PCDH15: variants seen among roughly 807,000 people sequenced by gnomAD.
PCDH15 encodes the protein protocadherin-15.
A neutral mutation model predicts 178.5 loss-of-function variants in PCDH15; 129 were observed. The ratio of observed to expected loss-of-function variants is 0.72; its 90% CI spans 0.63 to 0.84. PCDH15 has a LOEUF of 0.84. Among genes scored for constraint, PCDH15 ranks in the 40% least tolerant of loss-of-function variants. The pLI is 0.00. For missense variants in PCDH15, 2,230 were observed against 2,099.9 expected, an observed-to-expected ratio of 1.06 and a Z score of -1.21; for synonymous variants, 800 against 732.0, an observed-to-expected ratio of 1.09 and a Z score of -1.50.
chr10:55,277,646 A>G (rs1842627014), intron 1 of PCDH15, among the ~76,000 whole-genome samples: 1 of 152,052 alleles, frequency 6.6e-6, no homozygotes, highest in African/African-American at 2.4e-5. Context: ...TGTTGTTATT[A>G]TATTCCCCAA....
rs184277518 is a variant in PCDH15, at chr10:54,273,584, A to C, written c.877-36653T>G. Among the ~76,000 whole-genome samples the C allele has an allele frequency of 1.3e-3, 194 of 152,284 alleles. 1 individual carries two copies. The highest frequency in any genetic ancestry group is 4.3e-3 in the South Asian group (21 of 4,830). Reference sequence around the variant, plus strand: ...CAACTTAATTTTGAATATATAAAATAGAGACACTTAAAAAAACTGAACAAA... The same window carrying C: ...CAACTTAATTTTGAATATATAAAATCGAGACACTTAAAAAAACTGAACAAA... On this transcript the variant is annotated intron_variant, in intron 8 of 37. Coordinates refer to ENST00000644397, the MANE Select transcript of PCDH15 (RefSeq NM_001384140.1).
intron 2 of PCDH15, among the ~76,000 whole-genome samples, chr10:55,016,094 T>A (rs1485858056): frequency 1.6e-5 from 1 of 61,150 alleles, no homozygotes; most frequent in African/African-American, 1.2e-4. Context: ...TGACCTTTTT[T>A]TTTTAAAAAA....
In PCDH15 at chr10:55,472,271, TA is replaced by T. The variant is rs538937386; in HGVS notation, c.-156+155353del. On this transcript the variant is annotated intron_variant, in intron 2 of 5. Transcript: ENST00000613346. The stretch of plus-strand genomic sequence containing the variant: ...TTGCTTATATCCCATTTAAATTAAA[TA>T]TTTTTTTCAGATTTCTCTACAGTGC... Among the ~76,000 whole-genome samples, 297 of 152,270 alleles carry T rather than the reference TA, an allele frequency of 2.0e-3. 2 individuals carry two copies. The highest frequency in any genetic ancestry group is 7.0e-3 in the African/African-American group (290 of 41,568).
In PCDH15 at chr10:54,707,779, A is replaced by G. The variant is rs111990876; in HGVS notation, c.-28-43489T>C. On this transcript the variant is annotated intron_variant, in intron 1 of 37. Transcript: ENST00000644397. The stretch of plus-strand genomic sequence containing the variant: ...ACATAATGCTTAGGGTTGAGTATAC[A>G]AAGATAAAAAAAACCACATGCTGGC... Among the ~76,000 whole-genome samples the G allele has an allele frequency of 2.1e-3, 318 of 152,310 alleles. 1 individual carries two copies. The highest frequency in any genetic ancestry group is 7.4e-3 in the African/African-American group (306 of 41,564).
intron 2 of PCDH15, among the ~76,000 whole-genome samples, chr10:54,996,474 T>C (rs565164057): frequency 6.6e-6 from 1 of 152,234 alleles, no homozygotes; most frequent in South Asian, 2.1e-4. Flanking sequence ...GATTGTGTTT[T>C]GGTTATTGTT....
At chr10:53,815,344 A>G (rs1308959740) in intron 35 of PCDH15, among the ~76,000 whole-genome samples, 1 of 152,224 alleles carries the variant, frequency 6.6e-6, no homozygotes, top group Non-Finnish European at 1.5e-5. Flanking sequence ...TTACACATTT[A>G]TTAGATATTA....
At chr10:54,475,223 C>T (rs919832202) in intron 3 of PCDH15, among the ~76,000 whole-genome samples, 13 of 151,870 alleles carry the variant, frequency 8.6e-5, no homozygotes, top group South Asian at 4.2e-4. Flanking sequence ...ATTTCAGTAA[C>T]GACTAATGCC....
At position 55,368,240 on chromosome 10, in the gene PCDH15, C is replaced by T. The variant is rs1003167709; in HGVS notation, c.-155-201589G>A. Reference sequence around the variant, plus strand: ...CATGTAATCAACAATGGCAAGGAACCAATTTTCAGTGTACACATAACATCA... The same window carrying T: ...CATGTAATCAACAATGGCAAGGAACTAATTTTCAGTGTACACATAACATCA... On this transcript the variant is annotated intron_variant, in intron 2 of 5. Coordinates refer to the PCDH15 transcript ENST00000613346. Among the ~76,000 whole-genome samples the T allele has an allele frequency of 3.9e-5, 6 of 152,008 alleles. No homozygotes were observed. The East Asian group carries it at 1.2e-3, about 29-fold the overall frequency.
rs1251760500 is a variant in PCDH15 at position 54,495,658 on chromosome 10, T to C, written c.157+32154A>G. 2.0e-5 allele frequency among the ~76,000 whole-genome samples: 3 copies of C among 152,160 alleles called. No individual in the cohort carries two copies. The East Asian group carries it at 5.8e-4, about 29-fold the overall frequency. ...GCTTTTCTTTTTTATTCATCTCATA[T>C]TTAAACTTTGTAATCACCTTTGGAT... On this transcript the variant is annotated intron_variant, in intron 3 of 37. Transcript: ENST00000644397.
chr10:54,347,972 C>T (rs1202769257), intron 5 of PCDH15, among the ~76,000 whole-genome samples: 1 of 151,952 alleles, frequency 6.6e-6, no homozygotes, highest in Non-Finnish European at 1.5e-5. Flanking sequence ...CCTCAGCCTC[C>T]CAAGTAGCTG....
chr10:54,513,942 G>A (rs922737750), intron 3 of PCDH15, among the ~76,000 whole-genome samples: 2 of 152,192 alleles, frequency 1.3e-5, no homozygotes, highest in African/African-American at 2.4e-5. Flanking sequence ...GTTGTTTGCA[G>A]AAAAATATTA....
intron 17 of PCDH15, among the ~76,000 whole-genome samples, chr10:54,070,653 G>A (rs2094223520): frequency 6.6e-6 from 1 of 151,930 alleles, no homozygotes; most frequent in Admixed American, 6.6e-5. Flanking sequence ...TGCAGTATGT[G>A]ATCATAGCTC....
chr10:54,298,248 A>C (rs994877518), intron 8 of PCDH15, among the ~76,000 whole-genome samples: 3 of 152,170 alleles, frequency 2.0e-5, no homozygotes, highest in Admixed American at 2.0e-4. Context: ...AGATAAGTTT[A>C]TTACCCGATC....
chr10:54,013,485 T>G (rs1425289298), intron 20 of PCDH15, among the ~76,000 whole-genome samples: 3 of 152,152 alleles, frequency 2.0e-5, no homozygotes, highest in Non-Finnish European at 2.9e-5. Flanking sequence ...GCACATACTT[T>G]AAAATTGACC....
At chr10:54,217,641 A>T (rs2052248113) in intron 9 of PCDH15, among the ~76,000 whole-genome samples, 1 of 152,220 alleles carries the variant, frequency 6.6e-6, no homozygotes, top group South Asian at 2.1e-4. Flanking sequence ...TATCTTAAGA[A>T]ACAAAATGCA....
chr10:55,599,970 T>C, intron 2 of PCDH15: 1 of 1,492,214 alleles, frequency 6.7e-7, no homozygotes, highest in Non-Finnish European at 8.9e-7. Context: ...AAGAGGCGGG[T>C]ATAAATAAAT....
At chr10:55,388,856 T>A (rs1167961466) in intron 2 of PCDH15, among the ~76,000 whole-genome samples, 1 of 152,034 alleles carries the variant, frequency 6.6e-6, no homozygotes, top group African/African-American at 2.4e-5. Context: ...AACTTTAATG[T>A]CTCCCCCATC....
chr10:55,614,152 T>C (rs543586418), intron 2 of PCDH15, among the ~76,000 whole-genome samples: 7 of 152,130 alleles, frequency 4.6e-5, no homozygotes, highest in Admixed American at 4.6e-4. Context: ...TCTTTTCCTC[T>C]TTTTTTATGA....
At chr10:54,721,724 A>G (rs748565010) in intron 1 of PCDH15, among the ~76,000 whole-genome samples, 2 of 151,864 alleles carry the variant, frequency 1.3e-5, no homozygotes, top group Non-Finnish European at 2.9e-5. Flanking sequence ...TGAATCATCA[A>G]CAAACATCTA....
Sources: allele counts gnomAD v4.1 joint callset (sites outside exome capture counted in the v4.1 genomes callset), GRCh38; gene constraint gnomAD v4.1.1; transcripts MANE v1.5; gene names NCBI Gene and HGNC (gene_info 2026-07-23, HGNC 2026-07-21).